The following LZTFL1 variants were observed in gnomAD, a reference collection of about 807,000 sequenced individuals.
LZTFL1 encodes leucine zipper transcription factor-like protein 1.
LZTFL1 carries 25 observed loss-of-function variants against 45.9 expected under a neutral mutation model. The ratio of observed to expected loss-of-function variants is 0.54; its 90% CI spans 0.40 to 0.76. LZTFL1 has a LOEUF of 0.76. LZTFL1 is among the 30% of genes least tolerant of loss of function. The pLI, the probability that LZTFL1 is intolerant of heterozygous loss-of-function variation, is 0.00. For missense variants in LZTFL1, 277 were observed against 331.1 expected, an observed-to-expected ratio of 0.84 and a Z score of 1.27; for synonymous variants, 93 against 117.4, an observed-to-expected ratio of 0.79 and a Z score of 1.35.
chr3:45,856,273 C>G (rs972337083), intron 3 of LZTFL1, among the ~76,000 whole-genome samples: 1 of 152,146 alleles, frequency 6.6e-6, no homozygotes, highest in Non-Finnish European at 1.5e-5. Context: ...CTGATAAAAA[C>G]AAGCAATGGA....
chr3:45,875,229 C>T (rs1575282443), intron 2 of LZTFL1, among the ~76,000 whole-genome samples: 2 of 91,002 alleles, frequency 2.2e-5, no homozygotes, highest in East Asian at 6.8e-4. Context: ...TGAGGGTATG[C>T]CCCTTGTCTG....
At chr3:45,860,985 T>A (rs1701478975) in intron 2 of LZTFL1, among the ~76,000 whole-genome samples, 1 of 152,172 alleles carries the variant, frequency 6.6e-6, no homozygotes, top group South Asian at 2.1e-4. Context: ...ATATTTCTTC[T>A]GGGTCTTTTA....
intron 2 of LZTFL1, among the ~76,000 whole-genome samples, chr3:45,836,420 A>C (rs920846515): frequency 3.1e-4 from 47 of 152,244 alleles, no homozygotes; most frequent in Admixed American, 2.9e-3. Context: ...TTTGGGAGGC[A>C]GAGGCAGGTG....
At chr3:45,864,445 A>C (rs1701546115) in intron 2 of LZTFL1, among the ~76,000 whole-genome samples, 1 of 152,196 alleles carries the variant, frequency 6.6e-6, no homozygotes, top group African/African-American at 2.4e-5. Flanking sequence ...CCACAGGGCA[A>C]CTGTTATAAA....
chr3:45,897,865 A>G lies in LZTFL1; in HGVS notation c.-215+15255T>C, dbSNP rs188732814. Reference sequence around the variant, plus strand: ...GGAGAGCAGGCTTGCTGGACCGGAGAAGCAACTCCAGGCAGCAAGACCCCT... The same window carrying G: ...GGAGAGCAGGCTTGCTGGACCGGAGGAGCAACTCCAGGCAGCAAGACCCCT... On this transcript the variant is annotated intron_variant, in intron 2 of 4. Coordinates refer to the LZTFL1 transcript ENST00000472635. 7.8e-3 allele frequency among the ~76,000 whole-genome samples: 1,186 copies of G among 151,976 alleles called. 6 individuals are homozygous for G. Among genetic ancestry groups the G allele is most frequent in the Non-Finnish European group, 0.013 (874 of 67,952 alleles).
At chr3:45,878,854 G>A (rs1701799762) in intron 2 of LZTFL1, among the ~76,000 whole-genome samples, 1 of 152,266 alleles carries the variant, frequency 6.6e-6, no homozygotes, top group African/African-American at 2.4e-5. Context: ...GCTGAGGCGG[G>A]CAGATCACGA....
chr3:45,864,802 G>C (rs940149872), intron 2 of LZTFL1, among the ~76,000 whole-genome samples: 1 of 152,108 alleles, frequency 6.6e-6, no homozygotes, highest in Non-Finnish European at 1.5e-5. Context: ...CAAGGGAGTA[G>C]GTTTTCTCAC....
In LZTFL1 at chr3:45,826,257, T is replaced by C. The variant is rs1399881187; in HGVS notation, c.*57A>G. ...CAAAATGCTTTTCAAAATACATGCC[T>C]GAGGTGAGACTGCTTGTATGTTTGC... On this transcript the variant is annotated 3_prime_UTR_variant, in exon 10 of 10. Coordinates refer to ENST00000296135, the MANE Select transcript of LZTFL1 (RefSeq NM_020347.4). 1 of 1,509,880 alleles carries C rather than the reference T, an allele frequency of 6.6e-7. No homozygotes were observed. The highest frequency in any genetic ancestry group is 9.2e-7 in the Non-Finnish European group (1 of 1,088,504). 93.5% of individuals were successfully genotyped at this position (1,509,880 alleles called of 1,614,324 possible).
chr3:45,827,120 A>G lies in LZTFL1; in HGVS notation c.881+236T>C, dbSNP rs1700687437. ...GCTAAGTGAATCCATTGCCAAGAGC[A>G]GCTTACTGTAGGCCTGTGTGAGTCT... On this transcript the variant is annotated intron_variant, in intron 9 of 9. Coordinates refer to ENST00000296135, the MANE Select transcript of LZTFL1 (RefSeq NM_020347.4). The G allele has an allele frequency of 6.5e-6, 3 of 464,622 alleles. No individual in the cohort carries two copies. The South Asian group carries it at 1.0e-4, about 16-fold the overall frequency. 28.8% of individuals were successfully genotyped at this position (464,622 alleles called of 1,614,324 possible).
intron 2 of LZTFL1, among the ~76,000 whole-genome samples, chr3:45,881,573 T>C (rs1701860948): frequency 6.6e-6 from 1 of 152,208 alleles, no homozygotes; most frequent in Non-Finnish European, 1.5e-5. Context: ...TCATGGTAAC[T>C]GAATTTAGCA....
At chr3:45,887,123 T>C (rs1245260922) in intron 2 of LZTFL1, among the ~76,000 whole-genome samples, 1 of 152,162 alleles carries the variant, frequency 6.6e-6, no homozygotes, top group Non-Finnish European at 1.5e-5. Flanking sequence ...ACAGCAGCCA[T>C]CCAATTCTAT....
Position 45,824,083 on chromosome 3 carries a change from A to G in LZTFL1, c.*2231T>C, listed in dbSNP as rs1700604636. ...TGTCAAACAGAAGAAAACCCTTTATATTTTATTTTGGTCAACAAAAAGTCT... is the reference window on the plus strand; with the variant it reads ...TGTCAAACAGAAGAAAACCCTTTATGTTTTATTTTGGTCAACAAAAAGTCT... On this transcript the variant is annotated 3_prime_UTR_variant, in exon 10 of 10. Transcript: ENST00000296135. 1.3e-5 allele frequency: 2 copies of G among 152,210 alleles called. No individual in the cohort carries two copies. Among genetic ancestry groups the G allele is most frequent in the Admixed American group, 6.5e-5 (1 of 15,282 alleles). The allele number at this position is 152,210 out of a possible 1,614,324, so 9.4% of individuals were successfully genotyped here.
chr3:45,835,747 CAG>C lies in LZTFL1; in HGVS notation c.164_165del (p.Ser55Ter). 1 of 1,614,004 alleles carries C rather than the reference CAG, an allele frequency of 6.2e-7. No homozygotes were observed. Among genetic ancestry groups the C allele is most frequent in the Non-Finnish European group, 8.5e-7 (1 of 1,179,936 alleles). On this transcript the variant is annotated frameshift_variant, in exon 3 of 10. Coordinates refer to ENST00000296135, the MANE Select transcript of LZTFL1 (RefSeq NM_020347.4). LOFTEE classifies it high-confidence loss of function. The part of the protein sequence containing the change: ...VEDTFTIDEV[S>X]EVLNGLQAVV... Reference sequence around the variant, plus strand: ...ACAGCTTGTAATCCATTGAGGACTTCAGAGACTTCATCTATGGTGAAGGTGTC... The same window carrying C: ...ACAGCTTGTAATCCATTGAGGACTTCAGACTTCATCTATGGTGAAGGTGTC...
Position 45,901,959 on chromosome 3 carries a change from C to G in LZTFL1, c.-215+11161G>C. 7.4e-7 allele frequency: 1 copy of G among 1,351,422 alleles called. No homozygotes were observed. The highest frequency in any genetic ancestry group is 1.0e-6 in the Non-Finnish European group (1 of 983,742). 83.7% of individuals were successfully genotyped at this position (1,351,422 alleles called of 1,614,324 possible). A position where few individuals can be genotyped will look rare whatever the true frequency, so the allele number is the denominator to read the frequency against. On this transcript the variant is annotated intron_variant, in intron 2 of 4. Coordinates refer to the LZTFL1 transcript ENST00000472635. The surrounding 1 kb of genome is among the most constrained non-coding windows in gnomAD (Gnocchi z 4.3). ...AAATGAGAAATACAGAAACAGTTTC[C>G]CCACTGATGGGACCAGAGAGAGTGA...
intron 2 of LZTFL1, among the ~76,000 whole-genome samples, chr3:45,837,404 A>T (rs1209213719): frequency 6.6e-6 from 1 of 152,098 alleles, no homozygotes; most frequent in Non-Finnish European, 1.5e-5. Flanking sequence ...CTTATATCTG[A>T]CTTGACATTC....
intron 3 of LZTFL1, among the ~76,000 whole-genome samples, chr3:45,858,431 G>A (rs1701429317): frequency 6.6e-6 from 1 of 152,168 alleles, no homozygotes; most frequent in South Asian, 2.1e-4. Flanking sequence ...CACAGAAACA[G>A]TCAAAGTGAC....
chr3:45,894,486 C>T (rs1249239305), intron 2 of LZTFL1, among the ~76,000 whole-genome samples: 1 of 152,104 alleles, frequency 6.6e-6, no homozygotes, highest in African/African-American at 2.4e-5. Context: ...GCTGATAGAG[C>T]AGGGGGAAGG....
At chr3:45,880,873 T>G (rs1338937327) in intron 2 of LZTFL1, among the ~76,000 whole-genome samples, 1 of 152,140 alleles carries the variant, frequency 6.6e-6, no homozygotes, top group African/African-American at 2.4e-5. Flanking sequence ...CTGTACTGAT[T>G]CTCTGCATGG....
intron 2 of LZTFL1, among the ~76,000 whole-genome samples, chr3:45,862,768 T>A (rs553756728): frequency 6.6e-6 from 1 of 152,252 alleles, no homozygotes; most frequent in African/African-American, 2.4e-5. Context: ...AGTTGAAACA[T>A]TGCTGACAAC....
Sources: allele counts gnomAD v4.1 joint callset (sites outside exome capture counted in the v4.1 genomes callset), GRCh38; gene constraint gnomAD v4.1.1; non-coding constraint Gnocchi (gnomAD v3.1); transcripts MANE v1.5; gene names NCBI Gene and HGNC (gene_info 2026-07-23, HGNC 2026-07-21).